BRD1: variants seen among roughly 807,000 people sequenced by gnomAD.
BRD1 encodes bromodomain containing 1, also known as bromodomain-containing protein 1.
In BRD1, 24 loss-of-function variants were observed where a neutral mutation model predicts 107.7. The observed-to-expected ratio is 0.22, with a 90% CI of 0.16 to 0.31. The LOEUF is 0.31. Ranked by LOEUF, BRD1 falls within the 10% of genes least tolerant of loss-of-function variation. The pLI, the probability that BRD1 is intolerant of heterozygous loss-of-function variation, is 1.00. For synonymous variants in BRD1, 744 were observed against 686.1 expected (o/e 1.08, Z -1.32); for missense variants, 1,279 against 1,638.6 (o/e 0.78, Z 3.79).
At chr22:49,827,079 C>T (rs1004037855) in intron 1 of BRD1, among the ~76,000 whole-genome samples, 3 of 151,854 alleles carry the variant, frequency 2.0e-5, no homozygotes, top group African/African-American at 7.2e-5. Flanking sequence ...TGGCAGAGCT[C>T]GGCGGGCCTG....
intron 2 of BRD1, chr22:49,820,858 C>A (rs559409435): frequency 6.6e-6 from 1 of 152,472 alleles, no homozygotes; most frequent in Admixed American, 6.5e-5. Context: ...GCCAGGCGCA[C>A]TGGGAGCTCC....
At chr22:49,789,497 C>CG (rs1173776187) in intron 7 of BRD1, among the ~76,000 whole-genome samples, 2 of 150,848 alleles carry the variant, frequency 1.3e-5, no homozygotes, top group African/African-American at 2.4e-5. Flanking sequence ...GCCTCCCCCC[C>CG]CCGCCCCGAG....
At chr22:49,818,330 G>A in intron 2 of BRD1, 2 of 1,273,844 alleles carry the variant, frequency 1.6e-6, no homozygotes, top group Non-Finnish European at 2.0e-6. Flanking sequence ...CAGGCCGTCT[G>A]CCTGCTGATC....
chr22:49,782,414 C>A (rs1389900028), intron 8 of BRD1, among the ~76,000 whole-genome samples: 6 of 147,194 alleles, frequency 4.1e-5, no homozygotes, highest in African/African-American at 1.0e-4. Flanking sequence ...CAGAGACAGA[C>A]CCAAGGCCCA....
intron 7 of BRD1, among the ~76,000 whole-genome samples, chr22:49,790,727 C>A (rs1243741047): frequency 6.6e-6 from 1 of 152,256 alleles, no homozygotes; most frequent in Non-Finnish European, 1.5e-5. Flanking sequence ...GTCCCTCCAA[C>A]AACCCTGCCT....
At chr22:49,819,910 A>G (rs898980543) in intron 2 of BRD1, among the ~76,000 whole-genome samples, 9 of 151,850 alleles carry the variant, frequency 5.9e-5, no homozygotes, top group Non-Finnish European at 1.2e-4. Context: ...CGGGTGGATC[A>G]CCTGAGGTCA....
chr22:49,808,506 G>A (rs984704542), intron 2 of BRD1, among the ~76,000 whole-genome samples: 1 of 152,162 alleles, frequency 6.6e-6, no homozygotes, highest in African/African-American at 2.4e-5. Flanking sequence ...AACGGTGAAC[G>A]CCCGCAGCCA....
chr22:49,774,469 G>C, intron 12 of BRD1, 53 bp from the exon 13 acceptor site: 1 of 1,556,996 alleles, frequency 6.4e-7, no homozygotes, highest in Non-Finnish European at 8.8e-7. Flanking sequence ...TGGTATTTCA[G>C]CAGGCTCCAT....
At chr22:49,807,137 G>T (rs1032330999) in intron 2 of BRD1, 1 of 152,060 alleles carries the variant, frequency 6.6e-6, no homozygotes, top group South Asian at 2.1e-4. Flanking sequence ...TTTACCATGG[G>T]ACCCACTAAA....
chr22:49,797,221 C>A, intron 6 of BRD1, among the ~76,000 whole-genome samples: 1 of 152,236 alleles, frequency 6.6e-6, no homozygotes, highest in Non-Finnish European at 1.5e-5. Flanking sequence ...CCAAGAAGCA[C>A]AAGCCCAGGC....
At position 49,822,991 on chromosome 22, in the gene BRD1, C is replaced by T. The variant is rs747238332; in HGVS notation, c.1327G>A (p.Val443Ile). ...AKKALAEPCAVLPTVCAPYIP... is the reference protein window; with the variant it reads ...AKKALAEPCAILPTVCAPYIP... ...TAAGGAGCGCACACGGTCGGCAGGA[C>T]CGCGCAGGGCTCAGCCAGAGCTTTC... Residue 443 changes from valine to isoleucine, a missense_variant, in exon 2 of 13, where the codon GTC becomes ATC. Transcript: ENST00000404760. 4.1e-5 allele frequency: 66 copies of T among 1,614,126 alleles called. No homozygotes were observed. The Admixed American group carries it at 1.1e-3, about 26-fold the overall frequency.
intron 7 of BRD1, among the ~76,000 whole-genome samples, chr22:49,791,601 G>A (rs750400032): frequency 2.0e-5 from 3 of 152,086 alleles, no homozygotes; most frequent in African/African-American, 4.8e-5. Context: ...TATAAGTATC[G>A]TAAGTCACAT....
In BRD1 at chr22:49,774,425, A is replaced by G. The variant is rs749302749; in HGVS notation, c.3387-9T>C. 2.2e-5 allele frequency: 35 copies of G among 1,595,592 alleles called. No individual in the cohort carries two copies. The highest frequency in any genetic ancestry group is 6.9e-6 in the Non-Finnish European group (8 of 1,167,226). On this transcript the variant is annotated splice_polypyrimidine_tract_variant and intron_variant, in intron 12 of 12. Transcript: ENST00000404760. The stretch of plus-strand genomic sequence containing the variant: ...ACTTAGGAAGCCACTGCCTTTTTAA[A>G]AGGAAAAACAAGCGGAAAATCATTG...
At chr22:49,777,843 C>T in intron 8 of BRD1, 30 bp from the exon 9 acceptor site, 1 of 1,575,658 alleles carries the variant, frequency 6.3e-7, no homozygotes, top group Non-Finnish European at 8.6e-7. Context: ...GCCCTGAGCT[C>T]AGCACAACCA....
intron 12 of BRD1, among the ~76,000 whole-genome samples, chr22:49,774,851 G>T (rs534892925): frequency 6.6e-6 from 1 of 152,258 alleles, no homozygotes; most frequent in East Asian, 1.9e-4. Flanking sequence ...GGCAGAGGTC[G>T]AGGCAAGGAA....
chr22:49,813,058 C>A (rs1263998118), intron 2 of BRD1, among the ~76,000 whole-genome samples: 2 of 152,168 alleles, frequency 1.3e-5, no homozygotes, highest in African/African-American at 4.8e-5. Context: ...CAGGCCTGAC[C>A]CAACCTCACA....
intron 2 of BRD1, among the ~76,000 whole-genome samples, chr22:49,807,615 C>CA (rs2059770299): frequency 6.6e-6 from 1 of 152,192 alleles, no homozygotes; most frequent in Non-Finnish European, 1.5e-5. Flanking sequence ...AAAATTAACT[C>CA]AAAATCGAAG....
intron 11 of BRD1, 94 bp downstream of exon 11, chr22:49,775,956 T>C: frequency 4.5e-6 from 4 of 891,232 alleles, no homozygotes; most frequent in Non-Finnish European, 6.1e-6. Flanking sequence ...TGGAACCTCC[T>C]TGGACCACCG....
intron 7 of BRD1, among the ~76,000 whole-genome samples, chr22:49,790,384 G>A (rs574216880): frequency 6.6e-6 from 1 of 152,340 alleles, no homozygotes; most frequent in East Asian, 1.9e-4. Flanking sequence ...ATCTCAGGCT[G>A]TCACTGAACT....
Sources: gnomAD v4.1 joint callset for allele counts (sites outside exome capture counted in the v4.1 genomes callset) on GRCh38, gnomAD v4.1.1 for gene constraint, MANE v1.5 for transcripts, NCBI Gene and HGNC (gene_info 2026-07-23, HGNC 2026-07-21) for gene names.